The following JAM3 variants were observed in gnomAD, a reference collection of about 807,000 sequenced individuals.
JAM3 encodes the protein junctional adhesion molecule C.
JAM3 carries 31 observed loss-of-function variants against 39.4 expected under a neutral mutation model. The ratio of observed to expected loss-of-function variants is 0.79; its 90% CI spans 0.59 to 1.06. The LOEUF is 1.06. JAM3 is among the 50% of genes least tolerant of loss of function. The probability of loss-of-function intolerance (pLI) is 0.00; values close to 1 mark genes in which losing one functional copy is unlikely to be tolerated. For missense variants in JAM3, 455 were observed against 391.4 expected (o/e 1.16, Z -1.37); for synonymous variants, 182 against 148.7 (o/e 1.22, Z -1.63).
intron 1 of JAM3, among the ~76,000 whole-genome samples, chr11:134,128,114 G>T (rs934674053): frequency 6.6e-6 from 1 of 152,106 alleles, no homozygotes; most frequent in Non-Finnish European, 1.5e-5. Context: ...TTTCCTCTTG[G>T]GCTTTTTAGC....
chr11:134,148,602 G>A lies in JAM3; in HGVS notation c.768G>A (p.Leu256=). The change falls in exon 7 of 9, where the codon CTG becomes CTA. Residue 256 remains leucine, a synonymous_variant. Coordinates refer to ENST00000299106, the MANE Select transcript of JAM3 (RefSeq NM_032801.5). ...GGGTTCTGGTTGTCCTTGCTGTACTGGCCCTGATCACGTTGGGCATCTGCT... is the reference window on the plus strand; with the variant it reads ...GGGTTCTGGTTGTCCTTGCTGTACTAGCCCTGATCACGTTGGGCATCTGCT... ...IGGVLVVLAV[L]ALITLGICCA... 1 of 1,614,106 alleles carries A rather than the reference G, an allele frequency of 6.2e-7. No homozygotes were observed. Among genetic ancestry groups the A allele is most frequent in the Non-Finnish European group, 8.5e-7 (1 of 1,180,018 alleles).
intron 1 of JAM3, among the ~76,000 whole-genome samples, chr11:134,085,079 C>T (rs948171158): frequency 2.6e-5 from 4 of 152,122 alleles, no homozygotes; most frequent in African/African-American, 9.7e-5. Flanking sequence ...GTTTGTAACA[C>T]GAATTTGTAG....
intron 1 of JAM3, among the ~76,000 whole-genome samples, chr11:134,111,854 G>A (rs1404196379): frequency 6.6e-6 from 1 of 152,096 alleles, no homozygotes; most frequent in African/African-American, 2.4e-5. Context: ...AAATTAATAA[G>A]ATACCTACAC....
At chr11:134,100,218 T>C (rs1454710120) in intron 1 of JAM3, among the ~76,000 whole-genome samples, 1 of 152,116 alleles carries the variant, frequency 6.6e-6, no homozygotes, top group African/African-American at 2.4e-5. Flanking sequence ...AGTGAAATGA[T>C]CCCATTTTTC....
In JAM3 at chr11:134,149,352, G is replaced by A; in HGVS notation, c.*171G>A. ...CTCTTCTTACTCTAACAAGCCACAT[G>A]AATAGAAGAATTTTCCTCAAGATGG... On this transcript the variant is annotated 3_prime_UTR_variant, in exon 9 of 9. Coordinates refer to ENST00000299106, the MANE Select transcript of JAM3 (RefSeq NM_032801.5). The A allele has an allele frequency of 1.4e-6, 1 of 722,852 alleles. No individual in the cohort carries two copies. The highest frequency in any genetic ancestry group is 2.4e-6 in the Non-Finnish European group (1 of 421,952). The allele number at this position is 722,852 out of a possible 1,614,324, so 44.8% of individuals were successfully genotyped here.
chr11:134,145,264 A>G, intron 5 of JAM3: 1 of 527,610 alleles, frequency 1.9e-6, no homozygotes, highest in Non-Finnish European at 3.4e-6. Context: ...TGATCGGATA[A>G]TCAACTGTAA....
In JAM3 at chr11:134,149,701, A is replaced by C; in HGVS notation, c.*520A>C. ...CAGTTTCTTCTTAAAGGCTCTGCTG[A>C]TCGGTGTTGCAGTGTCCATTGTGGA... On this transcript the variant is annotated 3_prime_UTR_variant, in exon 9 of 9. Transcript: ENST00000299106. 2.2e-6 allele frequency: 1 copy of C among 456,616 alleles called. No homozygotes were observed. The highest frequency in any genetic ancestry group is 4.4e-6 in the Non-Finnish European group (1 of 227,182). 28.3% of individuals were successfully genotyped at this position (456,616 alleles called of 1,614,324 possible). A position where few individuals can be genotyped will look rare whatever the true frequency, so the allele number is the denominator to read the frequency against.
intron 1 of JAM3, among the ~76,000 whole-genome samples, chr11:134,102,463 C>A: frequency 6.6e-6 from 1 of 152,122 alleles, no homozygotes. Context: ...GCGCTTCTCC[C>A]CCTCCAAAGG....
chr11:134,097,212 C>T (rs1014183742), intron 1 of JAM3, among the ~76,000 whole-genome samples: 4 of 152,170 alleles, frequency 2.6e-5, no homozygotes, highest in South Asian at 2.1e-4. Context: ...TCTTTACCAT[C>T]CTCTTCCCTC....
chr11:134,148,301 T>C (rs1943116432), intron 6 of JAM3: 1 of 556,402 alleles, frequency 1.8e-6, no homozygotes, highest in African/African-American at 1.9e-5. Context: ...TTAATACACT[T>C]TTCAGTGCGA....
intron 2 of JAM3, among the ~76,000 whole-genome samples, chr11:134,140,206 T>C (rs538614813): frequency 7.9e-5 from 12 of 152,098 alleles, no homozygotes; most frequent in African/African-American, 2.7e-4. Context: ...CAGGCTGGAG[T>C]GTAGTGGCGC....
intron 1 of JAM3, among the ~76,000 whole-genome samples, chr11:134,114,930 A>T (rs1394312499): frequency 6.6e-6 from 1 of 152,178 alleles, no homozygotes; most frequent in African/African-American, 2.4e-5. Flanking sequence ...TGCTATTGAG[A>T]GTAGTGTTGA....
chr11:134,100,934 AAAGTT>A (rs1278584356), intron 1 of JAM3, among the ~76,000 whole-genome samples: 8 of 152,338 alleles, frequency 5.3e-5, no homozygotes, highest in South Asian at 4.1e-4. Context: ...TGAATGAAGT[AAAGTT>A]AACTAAAGTT....
chr11:134,095,757 C>T (rs1047599004), intron 1 of JAM3, among the ~76,000 whole-genome samples: 1 of 152,124 alleles, frequency 6.6e-6, no homozygotes, highest in African/African-American at 2.4e-5. Flanking sequence ...GCTACATGAC[C>T]ACTTACTAAA....
intron 1 of JAM3, chr11:134,070,212 G>A (rs1941465535): frequency 2.2e-6 from 1 of 456,096 alleles, no homozygotes; most frequent in Non-Finnish European, 4.4e-6. Context: ...ATTCTAAGTA[G>A]TGAAGCCTCA....
Position 134,141,481 on chromosome 11 carries a change from G to T in JAM3, c.256+711G>T, listed in dbSNP as rs1338015641. On this transcript the variant is annotated intron_variant, in intron 3 of 8. Coordinates refer to ENST00000299106, the MANE Select transcript of JAM3 (RefSeq NM_032801.5). Reference sequence around the variant, plus strand: ...AGGGGGGAGAGGGGCTGGAGAGGTTGCCTGGCCAGGCAGACTGCACTGAAT... The same window carrying T: ...AGGGGGGAGAGGGGCTGGAGAGGTTTCCTGGCCAGGCAGACTGCACTGAAT... Among the ~76,000 whole-genome samples, 10 of 152,156 alleles carry T rather than the reference G, an allele frequency of 6.6e-5. No individual in the cohort carries two copies. The East Asian group carries it at 1.6e-3, about 24-fold the overall frequency.
At chr11:134,144,212 T>C (rs1345883912) in intron 3 of JAM3, 29 bp from the exon 4 acceptor site, 2 of 1,613,752 alleles carry the variant, frequency 1.2e-6, no homozygotes, top group East Asian at 4.5e-5. Context: ...TTTAAAGAAG[T>C]TTTTTAGTGC....
chr11:134,144,291 T>C lies in JAM3; in HGVS notation c.307T>C (p.Trp103Arg). 3 of 1,614,098 alleles carry C rather than the reference T, an allele frequency of 1.9e-6. No individual in the cohort carries two copies. The South Asian group carries it at 3.3e-5, about 18-fold the overall frequency. ...EILGKTSLKIWNVTRRDSALY... is the reference protein window; with the variant it reads ...EILGKTSLKIRNVTRRDSALY... The stretch of plus-strand genomic sequence containing the variant: ...ACTGGGGAAGACATCCCTGAAGATC[T>C]GGAATGTGACACGGAGAGACTCAGC... Residue 103 changes from tryptophan to arginine, a missense_variant, in exon 4 of 9, where the codon TGG (tryptophan) becomes CGG (arginine). Transcript: ENST00000299106.
chr11:134,106,351 A>T (rs1144234), intron 1 of JAM3, among the ~76,000 whole-genome samples: 1 of 151,204 alleles, frequency 6.6e-6, no homozygotes, highest in Non-Finnish European at 1.5e-5. Context: ...TTAATTCAAG[A>T]TGGATTAAAG....
Sources: allele counts gnomAD v4.1 joint callset (sites outside exome capture counted in the v4.1 genomes callset), GRCh38; gene constraint gnomAD v4.1.1; transcripts MANE v1.5; gene names NCBI Gene and HGNC (gene_info 2026-07-23, HGNC 2026-07-21).